SGIP1: variants seen among roughly 807,000 people sequenced by gnomAD.
The protein encoded by SGIP1 is SH3GL interacting endocytic adaptor 1.
Under a neutral mutation model 107.5 loss-of-function variants are expected in SGIP1, and 38 were observed. That is an observed-to-expected ratio of 0.35 (90% CI 0.27 to 0.46). The LOEUF is 0.46. Ranked by LOEUF, SGIP1 falls within the 20% of genes least tolerant of loss-of-function variation. The probability of loss-of-function intolerance (pLI) is 1.00; values close to 1 mark genes in which losing one functional copy is unlikely to be tolerated. For missense variants in SGIP1, 929 were observed against 1,019.5 expected, an observed-to-expected ratio of 0.91 and a Z score of 1.21; for synonymous variants, 365 against 366.1, an observed-to-expected ratio of 1.00 and a Z score of 0.03.
Position 66,668,114 on chromosome 1 carries a change from A to T in SGIP1, c.483+573A>T, listed in dbSNP as rs76936334. On this transcript the variant is annotated intron_variant, in intron 9 of 24. Transcript: ENST00000371037. ...TAAATAAATTTCATCACAGAAGACAAACTTTGGGAGGGTAGATCAATATTA... is the reference window on the plus strand; with the variant it reads ...TAAATAAATTTCATCACAGAAGACATACTTTGGGAGGGTAGATCAATATTA... 4.6e-5 allele frequency among the ~76,000 whole-genome samples: 7 copies of T among 152,304 alleles called. No individual in the cohort carries two copies. The East Asian group carries it at 9.6e-4, about 21-fold the overall frequency.
At chr1:66,599,198 T>G (rs544379361) in intron 1 of SGIP1, among the ~76,000 whole-genome samples, 1 of 152,326 alleles carries the variant, frequency 6.6e-6, no homozygotes. Context: ...ATGAAACTGT[T>G]AGGTATTTCT....
At chr1:66,646,007 C>T (rs1320772096) in intron 7 of SGIP1, among the ~76,000 whole-genome samples, 2 of 152,012 alleles carry the variant, frequency 1.3e-5, no homozygotes, top group East Asian at 3.9e-4. Context: ...TGCCTGGCTA[C>T]TTTTGGTATT....
At chr1:66,582,817 T>G (rs1317377490) in intron 1 of SGIP1, among the ~76,000 whole-genome samples, 1 of 151,872 alleles carries the variant, frequency 6.6e-6, no homozygotes, top group East Asian at 1.9e-4. Flanking sequence ...AATTTAGGAT[T>G]TTGTTAAGAT....
At chr1:66,608,511 A>T (rs555181289) in intron 1 of SGIP1, among the ~76,000 whole-genome samples, 3 of 152,308 alleles carry the variant, frequency 2.0e-5, no homozygotes, top group South Asian at 4.1e-4. Context: ...TACATTGATC[A>T]TTGTTTAGAA....
chr1:66,660,216 A>AAAGAAAGAAAGG lies in SGIP1; in HGVS notation c.460-297_460-296insAAGAAAGAAAGG, dbSNP rs1557505848. On this transcript the variant is annotated intron_variant, in intron 7 of 24. Coordinates refer to ENST00000371037, the MANE Select transcript of SGIP1 (RefSeq NM_032291.4). Reference sequence around the variant, plus strand: ...GAAAGAAAGAAAGAAAGAAAGAAAGAGAAAGAAAGAAAGAGGGAGGGAGGG... The same window carrying AAAGAAAGAAAGG: ...GAAAGAAAGAAAGAAAGAAAGAAAGAAAGAAAGAAAGGGAAAGAAAGAAAGAGGGAGGGAGGG... The AAAGAAAGAAAGG allele has an allele frequency of 2.0e-5, 5 of 253,136 alleles. No homozygotes were observed. The African/African-American group carries it at 2.1e-4, about 11-fold the overall frequency. The allele number at this position is 253,136 out of a possible 1,614,324, so 15.7% of individuals were successfully genotyped here.
At chr1:66,638,059 T>C (rs12127199) in intron 4 of SGIP1, among the ~76,000 whole-genome samples, 81,193 of 151,536 alleles carry the variant, frequency 0.54, 23,258 homozygotes, top group African/African-American at 0.75. Flanking sequence ...GAGTTTACTT[T>C]TCTGGAATCT....
intron 7 of SGIP1, among the ~76,000 whole-genome samples, chr1:66,651,612 A>C (rs79201246): frequency 1.3e-5 from 2 of 152,196 alleles, no homozygotes; most frequent in African/African-American, 4.8e-5. Flanking sequence ...CCCAGCCCAA[A>C]GGGCCCACCT....
intron 4 of SGIP1, among the ~76,000 whole-genome samples, chr1:66,636,648 A>G (rs980063437): frequency 1.3e-5 from 2 of 152,204 alleles, no homozygotes; most frequent in African/African-American, 4.8e-5. Context: ...ATCTTCACAG[A>G]TATTTCTATT....
At chr1:66,558,390 G>T (rs1264605524) in intron 1 of SGIP1, among the ~76,000 whole-genome samples, 3 of 151,902 alleles carry the variant, frequency 2.0e-5, no homozygotes, top group African/African-American at 7.2e-5. Context: ...TTTGTAGCCA[G>T]TCCTGCCTGG....
intron 18 of SGIP1, among the ~76,000 whole-genome samples, chr1:66,699,555 C>G (rs1156545035): frequency 6.6e-6 from 1 of 152,172 alleles, no homozygotes; most frequent in East Asian, 1.9e-4. Context: ...CCTCTGGCCA[C>G]ATCCTGGAAG....
intron 21 of SGIP1, among the ~76,000 whole-genome samples, chr1:66,734,752 C>T (rs531672155): frequency 2.6e-5 from 4 of 152,156 alleles, no homozygotes; most frequent in South Asian, 2.1e-4. Flanking sequence ...GTGATCCGCC[C>T]GCATCAGCCT....
intron 1 of SGIP1, among the ~76,000 whole-genome samples, chr1:66,598,240 TAAGGA>T (rs2065101544): frequency 6.6e-6 from 1 of 152,118 alleles, no homozygotes. Context: ...CAGACTAGTA[TAAGGA>T]AAGCAATAAA....
At chr1:66,550,436 G>A (rs186855753) in intron 1 of SGIP1, among the ~76,000 whole-genome samples, 62 of 151,988 alleles carry the variant, frequency 4.1e-4, no homozygotes, top group African/African-American at 1.1e-3. Context: ...TATTTGCCCT[G>A]TAACTTGCCA....
At chr1:66,689,902 C>G (rs1403150363) in intron 16 of SGIP1, among the ~76,000 whole-genome samples, 1 of 152,186 alleles carries the variant, frequency 6.6e-6, no homozygotes, top group Non-Finnish European at 1.5e-5. Context: ...TCTGTGTTAC[C>G]TGCTGAGTCC....
intron 1 of SGIP1, among the ~76,000 whole-genome samples, chr1:66,595,075 G>C (rs112305068): frequency 6.6e-6 from 1 of 152,130 alleles, no homozygotes; most frequent in African/African-American, 2.4e-5. Flanking sequence ...CCAGGGGCAC[G>C]CTGTTTACTG....
intron 1 of SGIP1, among the ~76,000 whole-genome samples, chr1:66,588,458 A>G (rs1482664400): frequency 2.0e-5 from 3 of 152,184 alleles, no homozygotes; most frequent in African/African-American, 4.8e-5. Flanking sequence ...GTTCTGTGAA[A>G]GACAGATTTG....
chr1:66,556,375 T>C lies in SGIP1; in HGVS notation c.10+22007T>C, dbSNP rs576446682. On this transcript the variant is annotated intron_variant, in intron 1 of 24. Coordinates refer to ENST00000371037, the MANE Select transcript of SGIP1 (RefSeq NM_032291.4). ...CCTTCTTTAAGGAAGCCCTACTTCCTGGAGCTTCTCTGGCAAGCTGTCCTA... is the reference window on the plus strand; with the variant it reads ...CCTTCTTTAAGGAAGCCCTACTTCCCGGAGCTTCTCTGGCAAGCTGTCCTA... Among the ~76,000 whole-genome samples, 5 of 152,220 alleles carry C rather than the reference T, an allele frequency of 3.3e-5. No individual in the cohort carries two copies. In the South Asian group the frequency reaches 1.0e-3, roughly 32 times the overall value.
At chr1:66,677,929 CT>C (rs1166309697) in intron 13 of SGIP1, among the ~76,000 whole-genome samples, 1 of 152,188 alleles carries the variant, frequency 6.6e-6, no homozygotes, top group Non-Finnish European at 1.5e-5. Context: ...GAGCTTACGC[CT>C]TGGTGCCTAA....
chr1:66,668,388 G>A (rs1469168768), intron 9 of SGIP1, among the ~76,000 whole-genome samples: 1 of 151,830 alleles, frequency 6.6e-6, no homozygotes, highest in Non-Finnish European at 1.5e-5. Flanking sequence ...ACAGGGTTTC[G>A]CCATGTTAGC....
Sources: gnomAD v4.1 joint callset for allele counts (sites outside exome capture counted in the v4.1 genomes callset) on GRCh38, gnomAD v4.1.1 for gene constraint, MANE v1.5 for transcripts, NCBI Gene and HGNC (gene_info 2026-07-23, HGNC 2026-07-21) for gene names.